BRINP3: variants seen among roughly 807,000 people sequenced by gnomAD.
BRINP3 encodes BMP/retinoic acid inducible neural specific 3, also known as BMP/retinoic acid-inducible neural-specific protein 3.
BRINP3 carries 19 observed loss-of-function variants against 71.0 expected under a neutral mutation model. The ratio of observed to expected loss-of-function variants is 0.27; its 90% CI spans 0.19 to 0.39. The LOEUF (loss-of-function observed/expected upper bound fraction) is 0.39, where lower values mean the gene tolerates loss of function less well. Ranked by LOEUF, BRINP3 falls within the 10% of genes least tolerant of loss-of-function variation. The pLI, the probability that BRINP3 is intolerant of heterozygous loss-of-function variation, is 1.00. For synonymous variants in BRINP3, 380 were observed against 337.7 expected (o/e 1.13, Z -1.37); for missense variants, 959 against 940.8 (o/e 1.02, Z -0.25).
chr1:190,463,628 G>A (rs555092516), intron 1 of BRINP3, among the ~76,000 whole-genome samples: 1 of 151,674 alleles, frequency 6.6e-6, no homozygotes, highest in South Asian at 2.1e-4. Context: ...TTCATTTTTG[G>A]ATGTTCATAA....
chr1:190,132,480 G>C (rs1339020861), intron 7 of BRINP3, among the ~76,000 whole-genome samples: 1 of 151,950 alleles, frequency 6.6e-6, no homozygotes, highest in African/African-American at 2.4e-5. Context: ...TAAGCTGTTT[G>C]TATCATATTT....
intron 2 of BRINP3, among the ~76,000 whole-genome samples, chr1:190,419,953 C>T (rs191891682): frequency 6.6e-6 from 1 of 151,950 alleles, no homozygotes; most frequent in East Asian, 1.9e-4. Context: ...AGAGGTTATA[C>T]AAATATCAGC....
At chr1:190,348,671 G>T (rs1467683359) in intron 2 of BRINP3, among the ~76,000 whole-genome samples, 1 of 152,106 alleles carries the variant, frequency 6.6e-6, no homozygotes, top group Non-Finnish European at 1.5e-5. Flanking sequence ...ATCTTCCAAA[G>T]AGTCTACTAT....
chr1:190,215,338 T>C (rs12069314), intron 6 of BRINP3, among the ~76,000 whole-genome samples: 2,733 of 152,014 alleles, frequency 0.018, 77 homozygotes, highest in African/African-American at 0.062. Context: ...AAATATGGGA[T>C]ACTTTACTGT....
At chr1:190,147,343 A>G (rs1424719283) in intron 7 of BRINP3, among the ~76,000 whole-genome samples, 1 of 152,140 alleles carries the variant, frequency 6.6e-6, no homozygotes, top group Non-Finnish European at 1.5e-5. Flanking sequence ...GCATAATTAT[A>G]CTATCCAATA....
At chr1:190,274,741 G>A (rs897950422) in intron 3 of BRINP3, among the ~76,000 whole-genome samples, 11 of 151,528 alleles carry the variant, frequency 7.3e-5, no homozygotes, top group African/African-American at 2.7e-4. Context: ...AGCTCCACAT[G>A]TTAAAGGTAC....
intron 2 of BRINP3, among the ~76,000 whole-genome samples, chr1:190,407,878 T>C (rs187864534): frequency 6.6e-6 from 1 of 152,208 alleles, no homozygotes; most frequent in Non-Finnish European, 1.5e-5. Context: ...CTGAGAAGAA[T>C]TTCCAAACTA....
intron 2 of BRINP3, among the ~76,000 whole-genome samples, chr1:190,345,840 A>T (rs185488879): frequency 6.0e-4 from 91 of 151,998 alleles, no homozygotes; most frequent in Non-Finnish European, 2.1e-4. Context: ...TAGAACATTC[A>T]TTGGAAATCA....
chr1:190,322,215 T>C (rs966399574), intron 2 of BRINP3, among the ~76,000 whole-genome samples: 3 of 152,032 alleles, frequency 2.0e-5, no homozygotes, highest in Non-Finnish European at 2.9e-5. Flanking sequence ...GTTTTGCACC[T>C]TATCTCTAGA....
At chr1:190,223,804 A>G (rs1329437095) in intron 6 of BRINP3, among the ~76,000 whole-genome samples, 1 of 151,902 alleles carries the variant, frequency 6.6e-6, no homozygotes, top group Non-Finnish European at 1.5e-5. Context: ...TAAAATTGAT[A>G]AAAACATTCA....
intron 5 of BRINP3, among the ~76,000 whole-genome samples, chr1:190,231,020 T>G (rs1048314139): frequency 9.2e-5 from 14 of 151,560 alleles, no homozygotes; most frequent in Non-Finnish European, 1.8e-4. Flanking sequence ...TATGATTTCT[T>G]GATACTAAAA....
At chr1:190,226,013 G>A in intron 6 of BRINP3, 69 bp downstream of exon 6, 9 of 1,037,002 alleles carry the variant, frequency 8.7e-6, no homozygotes, top group South Asian at 5.2e-5. Context: ...CTTGAAAAAG[G>A]ACAAATTAGC....
chr1:190,293,829 CA>C (rs1013011390), intron 2 of BRINP3, among the ~76,000 whole-genome samples: 79 of 152,196 alleles, frequency 5.2e-4, no homozygotes, highest in African/African-American at 1.9e-3. Context: ...ATAATGTAAG[CA>C]TAGCTACTCC....
At chr1:190,465,422 C>G (rs1676674794) in intron 1 of BRINP3, among the ~76,000 whole-genome samples, 1 of 151,896 alleles carries the variant, frequency 6.6e-6, no homozygotes, top group Admixed American at 6.6e-5. Flanking sequence ...CTGCATTTGT[C>G]TCTATGTTGT....
At chr1:190,336,461 A>G (rs891529063) in intron 2 of BRINP3, among the ~76,000 whole-genome samples, 9 of 152,044 alleles carry the variant, frequency 5.9e-5, no homozygotes, top group African/African-American at 2.2e-4. Flanking sequence ...AAAATATCAC[A>G]ATGAAAAAAT....
chr1:190,285,531 G>A (rs573221767), intron 2 of BRINP3, among the ~76,000 whole-genome samples: 20 of 152,038 alleles, frequency 1.3e-4, no homozygotes, highest in African/African-American at 4.3e-4. Flanking sequence ...CCCAGGAGGC[G>A]GAGGTGGCAG....
intron 3 of BRINP3, among the ~76,000 whole-genome samples, chr1:190,280,415 A>T (rs1662945777): frequency 6.6e-6 from 1 of 151,822 alleles, no homozygotes; most frequent in South Asian, 2.1e-4. Context: ...GAACTGATCC[A>T]AGATTTTAAA....
intron 2 of BRINP3, among the ~76,000 whole-genome samples, chr1:190,310,255 G>C (rs1457840861): frequency 1.3e-5 from 2 of 151,462 alleles, no homozygotes; most frequent in African/African-American, 4.8e-5. Context: ...AAAATGTTCT[G>C]CACTTTCTTG....
At chr1:190,352,660 C>T (rs969282438) in intron 2 of BRINP3, among the ~76,000 whole-genome samples, 3 of 151,884 alleles carry the variant, frequency 2.0e-5, no homozygotes, top group Non-Finnish European at 4.4e-5. Flanking sequence ...CATCTCAAGA[C>T]GTTATAACCT....
Sources: allele counts gnomAD v4.1 joint callset (sites outside exome capture counted in the v4.1 genomes callset), GRCh38; gene constraint gnomAD v4.1.1; transcripts MANE v1.5; gene names NCBI Gene and HGNC (gene_info 2026-07-23, HGNC 2026-07-21).